The following CNOT11 variants were observed in gnomAD, a reference collection of about 807,000 sequenced individuals.
CNOT11 encodes the protein CCR4-NOT transcription complex subunit 11.
A neutral mutation model predicts 44.6 loss-of-function variants in CNOT11; 18 were observed. The observed-to-expected ratio is 0.40, with a 90% CI of 0.28 to 0.60. The LOEUF is 0.60. CNOT11 is among the 20% of genes least tolerant of loss of function. The pLI is 0.38. For missense variants in CNOT11, 513 were observed against 677.0 expected, an observed-to-expected ratio of 0.76 and a Z score of 2.69; for synonymous variants, 291 against 270.9, an observed-to-expected ratio of 1.07 and a Z score of -0.73.
chr2:101,260,574 T>A (rs761574561), intron 2 of CNOT11, among the ~76,000 whole-genome samples: 7 of 152,160 alleles, frequency 4.6e-5, no homozygotes, highest in Admixed American at 6.5e-5. Flanking sequence ...CACCCAGATC[T>A]TCTCTCTGGA....
At chr2:101,262,921 A>G (rs545935849) in intron 3 of CNOT11, among the ~76,000 whole-genome samples, 1 of 152,216 alleles carries the variant, frequency 6.6e-6, no homozygotes, top group Non-Finnish European at 1.5e-5. Flanking sequence ...TGTCTATCCT[A>G]TGCATACCTA....
intron 2 of CNOT11, among the ~76,000 whole-genome samples, chr2:101,261,294 C>G (rs1681855937): frequency 6.6e-6 from 1 of 152,124 alleles, no homozygotes; most frequent in African/African-American, 2.4e-5. Flanking sequence ...TTTGCATGCC[C>G]TTGAACTTTA....
Position 101,266,701 on chromosome 2 carries a change from C to A in CNOT11, c.1060C>A (p.Pro354Thr). ...GCTACTTGGTGAGTTGGAAAAAGACCCCAAACTTGTCTACCATATTGGCCT... is the reference window on the plus strand; with the variant it reads ...GCTACTTGGTGAGTTGGAAAAAGACACCAAACTTGTCTACCATATTGGCCT... ...TQLLGELEKD[P>T]KLVYHIGLTP... Residue 354 changes from proline (P) to threonine (T), a missense_variant, in exon 5 of 7, where the codon CCC becomes ACC. Physicochemically the swap from Pro to Thr is conservative, Grantham distance 38 (BLOSUM62 -1). Around this residue, in one of 4 missense-constraint regions of CNOT11, gnomAD observed 140 missense variants for 169.8 expected, o/e 0.82. Coordinates refer to ENST00000289382, the MANE Select transcript of CNOT11 (RefSeq NM_017546.5). The A allele has an allele frequency of 6.2e-7, 1 of 1,613,990 alleles. No homozygotes were observed. Among genetic ancestry groups the A allele is most frequent in the Non-Finnish European group, 8.5e-7 (1 of 1,179,934 alleles).
chr2:101,253,191 C>T lies in CNOT11; in HGVS notation c.227C>T (p.Ser76Leu). 1 of 1,604,144 alleles carries T rather than the reference C, an allele frequency of 6.2e-7. No homozygotes were observed. Among genetic ancestry groups the T allele is most frequent in the East Asian group, 2.3e-5 (1 of 43,972 alleles). ...KELSSLLSII[S>L]EEAGGGSTFE... ...CTCTCGAGCCTGCTGAGCATCATAT[C>T]GGAGGAGGCGGGCGGCGGCAGCACC... Residue 76 changes from serine (S) to leucine (L), a missense_variant, in exon 1 of 7, where the codon TCG becomes TTG. Transcript: ENST00000289382. The surrounding 1 kb of genome is among the most constrained non-coding windows in gnomAD (Gnocchi z 4.3).
At chr2:101,257,631 G>T (rs184511396) in intron 1 of CNOT11, among the ~76,000 whole-genome samples, 160 bp from the exon 2 acceptor site, 29 of 152,220 alleles carry the variant, frequency 1.9e-4, no homozygotes, top group Admixed American at 1.9e-3. Context: ...ATATTACATA[G>T]TTTGTAAATG....
At chr2:101,268,804 C>G (rs183600600) in intron 5 of CNOT11, among the ~76,000 whole-genome samples, 59 of 152,082 alleles carry the variant, frequency 3.9e-4, no homozygotes, top group African/African-American at 1.3e-3. Context: ...AGGGACAGGG[C>G]TCAAAAAAAT....
chr2:101,253,307 C>A lies in CNOT11; in HGVS notation c.343C>A (p.Pro115Thr). 6.2e-7 allele frequency: 1 copy of A among 1,609,856 alleles called. No individual in the cohort carries two copies. The highest frequency in any genetic ancestry group is 1.1e-5 in the South Asian group (1 of 90,938). ...GSVLVMLLQQ[P>T]DLLPSAAQRL... ...GGTGCTCGTCATGCTGCTCCAGCAG[C>A]CCGACCTGCTGCCTAGCGCGGCGCA... The change falls in exon 1 of 7, where the codon CCC becomes ACC. Residue 115 changes from proline to threonine, a missense_variant. By Grantham distance (38) the Pro-to-Thr change is conservative (BLOSUM62 -1). Around this residue, in one of 4 missense-constraint regions of CNOT11, gnomAD observed 259 missense variants for 265.7 expected, o/e 0.97. Coordinates refer to ENST00000289382, the MANE Select transcript of CNOT11 (RefSeq NM_017546.5). The surrounding 1 kb of genome is among the most constrained non-coding windows in gnomAD (Gnocchi z 4.3).
chr2:101,255,717 G>C (rs1681723313), intron 1 of CNOT11, among the ~76,000 whole-genome samples: 1 of 152,152 alleles, frequency 6.6e-6, no homozygotes, highest in South Asian at 2.1e-4. Flanking sequence ...TGTAATGCTG[G>C]GTAGTTAAGA....
chr2:101,257,507 G>A (rs895557244), intron 1 of CNOT11, among the ~76,000 whole-genome samples: 1 of 151,716 alleles, frequency 6.6e-6, no homozygotes, highest in East Asian at 2.0e-4. Flanking sequence ...ACCTGTCTTT[G>A]ACTGCCAGGC....
intron 5 of CNOT11, among the ~76,000 whole-genome samples, chr2:101,268,543 G>A (rs1682042832): frequency 6.6e-6 from 1 of 152,206 alleles, no homozygotes; most frequent in Non-Finnish European, 1.5e-5. Flanking sequence ...GCTCATGACA[G>A]TGTCCTTGGA....
chr2:101,253,975 A>G lies in CNOT11; in HGVS notation c.514+497A>G, dbSNP rs1281736995. ...CCTGTTAGGGATGGGGGCAGAGGAT[A>G]GAAAGTCTCAAATTGATGATCTCGC... On this transcript the variant is annotated intron_variant, in intron 1 of 6. Coordinates refer to ENST00000289382, the MANE Select transcript of CNOT11 (RefSeq NM_017546.5). This position sits in a 1 kb window ranked among gnomAD's most constrained non-coding sequence, Gnocchi z 4.3. Among the ~76,000 whole-genome samples the G allele has an allele frequency of 3.9e-5, 6 of 152,220 alleles. No homozygotes were observed. The highest frequency in any genetic ancestry group is 5.9e-5 in the Non-Finnish European group (4 of 68,040).
Position 101,257,854 on chromosome 2 carries a change from C to T in CNOT11, c.578C>T (p.Pro193Leu), listed in dbSNP as rs1238057493. ...FFLSQLMLAP[P>L]RELFKKTPRQ... ...CTTTCCCAGCTGATGCTGGCACCCCCACGGGAACTCTTCAAAAAGACGCCT... is the reference window on the plus strand; with the variant it reads ...CTTTCCCAGCTGATGCTGGCACCCCTACGGGAACTCTTCAAAAAGACGCCT... Residue 193 changes from proline to leucine, a missense_variant, in exon 2 of 7, where the codon CCA becomes CTA. Coordinates refer to ENST00000289382, the MANE Select transcript of CNOT11 (RefSeq NM_017546.5). The T allele has an allele frequency of 1.9e-6, 3 of 1,613,906 alleles. No homozygotes were observed. The highest frequency in any genetic ancestry group is 2.7e-5 in the African/African-American group (2 of 74,902).
At chr2:101,265,098 T>C in intron 4 of CNOT11, 51 bp downstream of exon 4, 1 of 1,324,108 alleles carries the variant, frequency 7.6e-7, no homozygotes, top group Non-Finnish European at 1.0e-6. Flanking sequence ...AATTTATTTT[T>C]AATTAAAAAA....
intron 2 of CNOT11, among the ~76,000 whole-genome samples, chr2:101,258,880 T>TTTA (rs1358504072): frequency 3.3e-5 from 5 of 151,744 alleles, no homozygotes; most frequent in Non-Finnish European, 7.4e-5. Flanking sequence ...AGCTCATGCC[T>TTTA]GTAATCTTTG....
rs757677776 is a variant in CNOT11 at position 101,266,643 on chromosome 2, CCTCT to C, written c.1036-25_1036-22del. The C allele has an allele frequency of 2.1e-5, 31 of 1,491,966 alleles. 1 individual carries two copies. Among genetic ancestry groups the C allele is most frequent in the Admixed American group, 8.5e-5 (5 of 59,098 alleles). 92.4% of individuals were successfully genotyped at this position (1,491,966 alleles called of 1,614,324 possible). A position where few individuals can be genotyped will look rare whatever the true frequency, so the allele number is the denominator to read the frequency against. On this transcript the variant is annotated intron_variant, in intron 4 of 6. Transcript: ENST00000289382. ...ATTGACTCAACACCCTTTCTCTCTC[CCTCT>C]CTCTCTCTTTAAAAATCTGGTGTAT...
At chr2:101,267,441 C>G (rs1263587696) in intron 5 of CNOT11, among the ~76,000 whole-genome samples, 1 of 152,104 alleles carries the variant, frequency 6.6e-6, no homozygotes, top group Non-Finnish European at 1.5e-5. Context: ...ATTTATTTCC[C>G]TATACATAGT....
intron 2 of CNOT11, among the ~76,000 whole-genome samples, chr2:101,262,010 C>G (rs1255215174): frequency 1.3e-5 from 2 of 151,936 alleles, no homozygotes; most frequent in East Asian, 3.9e-4. Flanking sequence ...CCATGCCCGG[C>G]TAATTTTTTG....
rs778162884 is a variant in CNOT11 at position 101,253,451 on chromosome 2, C to G, written c.487C>G (p.Gln163Glu). 9 of 1,511,240 alleles carry G rather than the reference C, an allele frequency of 6.0e-6. No homozygotes were observed. Among genetic ancestry groups the G allele is most frequent in the Non-Finnish European group, 7.9e-6 (9 of 1,140,926 alleles). 93.6% of individuals were successfully genotyped at this position (1,511,240 alleles called of 1,614,324 possible). A position where few individuals can be genotyped will look rare whatever the true frequency, so the allele number is the denominator to read the frequency against. The change falls in exon 1 of 7, where the codon CAG becomes GAG. Residue 163 changes from glutamine to glutamate, a missense_variant. Coordinates refer to ENST00000289382, the MANE Select transcript of CNOT11 (RefSeq NM_017546.5). The surrounding 1 kb of genome is among the most constrained non-coding windows in gnomAD (Gnocchi z 4.3). Reference protein sequence around the residue: ...LNPAPPARGGQEPDRPPLSGF... With the variant: ...LNPAPPARGGEEPDRPPLSGF... ...CCCCGCGCCGCCCGCCCGCGGCGGCCAGGAACCCGACCGCCCTCCGCTCTC... is the reference window on the plus strand; with the variant it reads ...CCCCGCGCCGCCCGCCCGCGGCGGCGAGGAACCCGACCGCCCTCCGCTCTC...
chr2:101,267,997 G>A (rs915891146), intron 5 of CNOT11, among the ~76,000 whole-genome samples: 8 of 152,348 alleles, frequency 5.3e-5, no homozygotes, highest in African/African-American at 1.9e-4. Context: ...ACTACAGAAT[G>A]TGTCCTTTTT....
Sources: allele counts gnomAD v4.1 joint callset (sites outside exome capture counted in the v4.1 genomes callset), GRCh38; gene constraint gnomAD v4.1.1; regional missense constraint gnomAD v4.1.1; non-coding constraint Gnocchi (gnomAD v3.1); transcripts MANE v1.5; gene names NCBI Gene and HGNC (gene_info 2026-07-23, HGNC 2026-07-21).